KIAA0319: variants seen among roughly 807,000 people sequenced by gnomAD.
The protein encoded by KIAA0319 is KIAA0319.
Under a neutral mutation model 108.4 loss-of-function variants are expected in KIAA0319, and 83 were observed. That is an observed-to-expected ratio of 0.77 (90% CI 0.64 to 0.92). The LOEUF is 0.92. Among genes scored for constraint, KIAA0319 ranks in the 40% least tolerant of loss-of-function variants. KIAA0319 has a pLI of 0.00. For synonymous variants in KIAA0319, 484 were observed against 510.4 expected, an observed-to-expected ratio of 0.95 and a Z score of 0.70; for missense variants, 1,195 against 1,322.4, an observed-to-expected ratio of 0.90 and a Z score of 1.49.
intron 1 of KIAA0319, among the ~76,000 whole-genome samples, chr6:24,605,969 T>C (rs1771342985): frequency 6.6e-6 from 1 of 151,880 alleles, no homozygotes. Flanking sequence ...AGAGTCTCAC[T>C]CTATCACCAG....
At chr6:24,598,912 C>T (rs1392081485) in intron 2 of KIAA0319, 12 of 433,796 alleles carry the variant, frequency 2.8e-5, no homozygotes, top group Admixed American at 2.0e-4. Context: ...ATAATTTTAG[C>T]GATGGAGAAT....
intron 16 of KIAA0319, among the ~76,000 whole-genome samples, chr6:24,561,003 T>G (rs1463516287): frequency 6.6e-6 from 1 of 152,232 alleles, no homozygotes; most frequent in Non-Finnish European, 1.5e-5. Flanking sequence ...GAGATGATCC[T>G]GTGGTTTTGT....
intron 10 of KIAA0319, among the ~76,000 whole-genome samples, chr6:24,576,099 T>A (rs1484966805): frequency 6.6e-6 from 1 of 152,220 alleles, no homozygotes; most frequent in Admixed American, 6.5e-5. Context: ...CTCTAACAGA[T>A]GTGAGACTTT....
chr6:24,566,545 A>C lies in KIAA0319; in HGVS notation c.2292+52T>G, dbSNP rs57069585. On this transcript the variant is annotated intron_variant, in intron 14 of 20. Transcript: ENST00000378214. ...ATATTGTTTGCAGCCCAAGCTGACT[A>C]ATGCAGATGTAATGATAAGTGGTCT... 1.8e-3 allele frequency: 2,759 copies of C among 1,493,492 alleles called. 50 individuals are homozygous for C. In the African/African-American group the frequency reaches 0.032, roughly 18 times the overall value. 92.5% of individuals were successfully genotyped at this position (1,493,492 alleles called of 1,614,324 possible). A position where few individuals can be genotyped will look rare whatever the true frequency, so the allele number is the denominator to read the frequency against.
intron 1 of KIAA0319, among the ~76,000 whole-genome samples, chr6:24,635,756 CT>C (rs1264294405): frequency 6.6e-6 from 1 of 152,170 alleles, no homozygotes; most frequent in Non-Finnish European, 1.5e-5. Flanking sequence ...ACACAGATTC[CT>C]CCCCAGAGCC....
intron 1 of KIAA0319, among the ~76,000 whole-genome samples, chr6:24,634,846 C>T (rs746284297): frequency 6.6e-6 from 1 of 152,088 alleles, no homozygotes; most frequent in East Asian, 1.9e-4. Context: ...TGCCTTTCTC[C>T]GAAGATGATT....
chr6:24,598,239 C>T (rs889898201), intron 2 of KIAA0319: 14 of 576,284 alleles, frequency 2.4e-5, no homozygotes, highest in Non-Finnish European at 1.3e-5. Context: ...TCACAGTCAA[C>T]TAGAGCCTGC....
At chr6:24,621,531 G>C (rs1040981467) in intron 1 of KIAA0319, among the ~76,000 whole-genome samples, 1 of 152,092 alleles carries the variant, frequency 6.6e-6, no homozygotes, top group Admixed American at 6.6e-5. Flanking sequence ...ATCTTGGAAA[G>C]CTCAAAATAA....
chr6:24,603,233 C>T (rs1306197679), intron 1 of KIAA0319, among the ~76,000 whole-genome samples: 1 of 152,116 alleles, frequency 6.6e-6, no homozygotes, highest in Non-Finnish European at 1.5e-5. Context: ...TTCACCACAA[C>T]CCAGACATAT....
At chr6:24,555,832 C>T (rs1762213275) in intron 18 of KIAA0319, among the ~76,000 whole-genome samples, 1 of 152,180 alleles carries the variant, frequency 6.6e-6, no homozygotes, top group African/African-American at 2.4e-5. Flanking sequence ...AAGATCCATA[C>T]CAGGGGCCAC....
chr6:24,553,517 A>G (rs1761880090), intron 19 of KIAA0319, among the ~76,000 whole-genome samples: 1 of 150,826 alleles, frequency 6.6e-6, no homozygotes, highest in African/African-American at 2.4e-5. Context: ...AAAGCAAGAA[A>G]CTTCCCCTGC....
intron 4 of KIAA0319, among the ~76,000 whole-genome samples, chr6:24,586,567 C>T (rs1272401647): frequency 9.2e-5 from 14 of 152,306 alleles, no homozygotes; most frequent in Admixed American, 6.5e-4. Flanking sequence ...CCTTTGGCCA[C>T]TTGCCTTCCC....
rs1561981471 is a variant in KIAA0319, at chr6:24,579,410, A to ATATATATAT, written c.1372+447_1372+448insATATATATA. ...CAGGTCACGGGAGCTCCTCTATATA[A>ATATATATAT]AGATATATATATATATATATATCTT... On this transcript the variant is annotated intron_variant, in intron 8 of 20. Transcript: ENST00000378214. Among the ~76,000 whole-genome samples, 5 of 88,056 alleles carry ATATATATAT rather than the reference A, an allele frequency of 5.7e-5. 1 individual carries two copies. Among genetic ancestry groups the ATATATATAT allele is most frequent in the Non-Finnish European group, 1.0e-4 (5 of 48,956 alleles). The allele number at this position is 88,056 out of a possible 152,430, so 57.8% of individuals were successfully genotyped here. A position where few individuals can be genotyped will look rare whatever the true frequency, so the allele number is the denominator to read the frequency against.
intron 20 of KIAA0319, among the ~76,000 whole-genome samples, chr6:24,548,521 G>A (rs1760967207): frequency 6.6e-6 from 1 of 152,134 alleles, no homozygotes. Context: ...CTGGGGACCA[G>A]CAGTCCAGTT....
chr6:24,598,198 G>A (rs961230310), intron 2 of KIAA0319: 5 of 484,344 alleles, frequency 1.0e-5, no homozygotes, highest in East Asian at 4.3e-5. Flanking sequence ...AGGCTATGGC[G>A]GGACCAGTGG....
intron 1 of KIAA0319, among the ~76,000 whole-genome samples, chr6:24,607,065 A>G (rs1048447885): frequency 1.8e-4 from 28 of 152,230 alleles, no homozygotes; most frequent in African/African-American, 6.0e-4. Flanking sequence ...ATTTGTTTCT[A>G]AGAAGCCAGG....
chr6:24,582,732 A>C (rs1335236171), intron 5 of KIAA0319, among the ~76,000 whole-genome samples: 1 of 151,238 alleles, frequency 6.6e-6, no homozygotes, highest in Non-Finnish European at 1.5e-5. Context: ...ACATCTGACT[A>C]TCCATATCAG....
At chr6:24,644,540 C>T (rs961178465) in intron 1 of KIAA0319, among the ~76,000 whole-genome samples, 1 of 150,742 alleles carries the variant, frequency 6.6e-6, no homozygotes, top group African/African-American at 2.4e-5. Flanking sequence ...TTTCCAAGAA[C>T]GTATCAAGAA....
chr6:24,568,896 G>C lies in KIAA0319; in HGVS notation c.2025C>G (p.Asp675Glu). The C allele has an allele frequency of 6.2e-7, 1 of 1,614,180 alleles. No homozygotes were observed. The highest frequency in any genetic ancestry group is 1.6e-4 in the Middle Eastern group (1 of 6,062). The change falls in exon 13 of 21, where the codon GAC becomes GAG. Residue 675 changes from aspartate (D) to glutamate (E), a missense_variant. Asp to Glu is a conservative substitution (Grantham distance 45). Coordinates refer to ENST00000378214, the MANE Select transcript of KIAA0319 (RefSeq NM_014809.4). Reference protein sequence around the residue: ...GPSAVEMENIDKAIATVTGLQ... With the variant: ...GPSAVEMENIEKAIATVTGLQ... ...GACCAGTCACAGTGGCTATTGCTTT[G>C]TCAATATTTTCCATCTCCACTGCAC...
Sources: allele counts gnomAD v4.1 joint callset (sites outside exome capture counted in the v4.1 genomes callset), GRCh38; gene constraint gnomAD v4.1.1; transcripts MANE v1.5; gene names NCBI Gene and HGNC (gene_info 2026-07-23, HGNC 2026-07-21).